The following GFRA1 variants were observed in gnomAD, a reference collection of about 807,000 sequenced individuals.
The protein encoded by GFRA1 is GDNF family receptor alpha-1.
Under a neutral mutation model 51.6 loss-of-function variants are expected in GFRA1, and 16 were observed. The observed-to-expected ratio is 0.31, with a 90% CI of 0.21 to 0.47. GFRA1 has a LOEUF of 0.47. Among genes scored for constraint, GFRA1 ranks in the 20% least tolerant of loss-of-function variants. The pLI, the probability that GFRA1 is intolerant of heterozygous loss-of-function variation, is 1.00. For missense variants in GFRA1, 530 were observed against 594.3 expected, an observed-to-expected ratio of 0.89 and a Z score of 1.13; for synonymous variants, 270 against 241.3, an observed-to-expected ratio of 1.12 and a Z score of -1.10.
At chr10:116,273,717 C>A (rs1844120001), upstream of GFRA1, among the ~76,000 whole-genome samples, 1 of 152,166 alleles carries the variant, frequency 6.6e-6, no homozygotes, top group South Asian at 2.1e-4. Context: ...CAGACACACA[C>A]ACACACATAC....
At chr10:116,222,548 G>A (rs954372018) in intron 4 of GFRA1, among the ~76,000 whole-genome samples, 5 of 152,166 alleles carry the variant, frequency 3.3e-5, no homozygotes, top group African/African-American at 1.2e-4. Context: ...CAATCTTTCT[G>A]CTCTAAGCCT....
At chr10:116,065,949 T>G (rs1955090321) in intron 9 of GFRA1, among the ~76,000 whole-genome samples, 1 of 152,206 alleles carries the variant, frequency 6.6e-6, no homozygotes, top group Non-Finnish European at 1.5e-5. Context: ...AATTCAGACT[T>G]ACCCCATTTC....
intron 6 of GFRA1, among the ~76,000 whole-genome samples, chr10:116,108,050 T>C (rs141347414): frequency 9.7e-4 from 147 of 151,918 alleles, no homozygotes; most frequent in African/African-American, 3.3e-3. Flanking sequence ...CTGAGAGCCC[T>C]GGGAGGGGGT....
In GFRA1 at chr10:116,059,503, C is replaced by A. The variant is rs919831349; in HGVS notation, c.*4895G>T. 6.6e-6 allele frequency: 1 copy of A among 152,248 alleles called. No individual in the cohort carries two copies. Among genetic ancestry groups the A allele is most frequent in the African/African-American group, 2.4e-5 (1 of 41,462 alleles). 9.4% of individuals were successfully genotyped at this position (152,248 alleles called of 1,614,324 possible). ...TTGGCACCTGCCAGAGGCAGACAGC[C>A]GAAGTCGCAGCTGCGCTGGTCAAAT... On this transcript the variant is annotated 3_prime_UTR_variant, in exon 11 of 11. Transcript: ENST00000355422.
At chr10:116,142,188 C>T (rs1657725770) in intron 5 of GFRA1, among the ~76,000 whole-genome samples, 1 of 152,192 alleles carries the variant, frequency 6.6e-6, no homozygotes. Flanking sequence ...CCCCGCCATG[C>T]AGCAGGAGGG....
intron 5 of GFRA1, among the ~76,000 whole-genome samples, chr10:116,166,780 C>CTTCTTTTTTTTTTTT (rs1267031089): frequency 1.3e-5 from 1 of 76,446 alleles, no homozygotes; most frequent in African/African-American, 5.9e-5. Flanking sequence ...CAACAATCTT[C>CTTCTTTTTTTTTTTT]TTTTTTTTTT....
chr10:116,098,596 C>T (rs936974067), intron 6 of GFRA1, among the ~76,000 whole-genome samples: 5 of 152,224 alleles, frequency 3.3e-5, no homozygotes, highest in Non-Finnish European at 7.3e-5. Flanking sequence ...GTTCTGCACA[C>T]AACCTGGCTG....
chr10:116,182,218 G>T (rs1258458898), intron 5 of GFRA1, among the ~76,000 whole-genome samples: 1 of 143,280 alleles, frequency 7.0e-6, no homozygotes, highest in East Asian at 1.9e-4. Context: ...ACAGTGCAAT[G>T]ATGATAGTGT....
intron 8 of GFRA1, 126 bp downstream of exon 8, chr10:116,093,576 G>A (rs1956443706): frequency 8.4e-5 from 69 of 823,380 alleles, no homozygotes; most frequent in South Asian, 5.9e-4. Context: ...AGAGGAAGCA[G>A]GCACAAGGTA....
chr10:116,082,084 C>T (rs1334749792), intron 9 of GFRA1, among the ~76,000 whole-genome samples: 1 of 152,204 alleles, frequency 6.6e-6, no homozygotes, highest in African/African-American at 2.4e-5. Flanking sequence ...ACCGTCTTTT[C>T]TGCAACCAAG....
At chr10:116,230,214 C>T (rs1966591378) in intron 4 of GFRA1, among the ~76,000 whole-genome samples, 1 of 152,144 alleles carries the variant, frequency 6.6e-6, no homozygotes, top group Non-Finnish European at 1.5e-5. Flanking sequence ...AAAAGGATAC[C>T]TGATACATCG....
At chr10:116,195,226 A>G (rs1963630642) in intron 5 of GFRA1, among the ~76,000 whole-genome samples, 1 of 152,152 alleles carries the variant, frequency 6.6e-6, no homozygotes, top group African/African-American at 2.4e-5. Flanking sequence ...TTTGTTTTAA[A>G]TTGCCCTGTT....
At chr10:116,120,050 T>A (rs1468199793) in intron 6 of GFRA1, among the ~76,000 whole-genome samples, 1 of 152,176 alleles carries the variant, frequency 6.6e-6, no homozygotes, top group Non-Finnish European at 1.5e-5. Context: ...AATGATAGGG[T>A]CCTTGATCCC....
At chr10:116,202,359 C>T (rs565003979) in intron 5 of GFRA1, among the ~76,000 whole-genome samples, 7 of 152,218 alleles carry the variant, frequency 4.6e-5, no homozygotes, top group African/African-American at 1.4e-4. Flanking sequence ...GAGCATTGGG[C>T]GGCACCTTCT....
intron 9 of GFRA1, among the ~76,000 whole-genome samples, chr10:116,074,042 T>C (rs1236687124): frequency 2.6e-5 from 4 of 152,218 alleles, no homozygotes; most frequent in Non-Finnish European, 1.5e-5. Context: ...AGTAGATGAA[T>C]AGTGATGATG....
intron 4 of GFRA1, among the ~76,000 whole-genome samples, chr10:116,265,925 C>G (rs1454539333): frequency 6.6e-6 from 1 of 152,186 alleles, no homozygotes; most frequent in Non-Finnish European, 1.5e-5. Context: ...GGCTTCCGCT[C>G]TCAGGTTTCT....
intron 5 of GFRA1, among the ~76,000 whole-genome samples, chr10:116,210,149 C>T (rs1287944614): frequency 2.6e-5 from 4 of 152,196 alleles, no homozygotes; most frequent in Non-Finnish European, 5.9e-5. Flanking sequence ...GCAAACTTGA[C>T]AGAGGCAGTC....
At chr10:116,195,072 C>T (rs1251111693) in intron 5 of GFRA1, among the ~76,000 whole-genome samples, 1 of 152,176 alleles carries the variant, frequency 6.6e-6, no homozygotes, top group Non-Finnish European at 1.5e-5. Context: ...TTCAGTAAAA[C>T]TTTATTTACA....
Position 116,058,840 on chromosome 10 carries a change from G to A in GFRA1, c.*5558C>T, listed in dbSNP as rs911856389. 2 of 152,218 alleles carry A rather than the reference G, an allele frequency of 1.3e-5. No homozygotes were observed. Among genetic ancestry groups the A allele is most frequent in the African/African-American group, 4.8e-5 (2 of 41,426 alleles). 9.4% of individuals were successfully genotyped at this position (152,218 alleles called of 1,614,324 possible). On this transcript the variant is annotated 3_prime_UTR_variant, in exon 11 of 11. Coordinates refer to ENST00000355422, the MANE Select transcript of GFRA1 (RefSeq NM_005264.8). ...GTTGTCACCCCTGGGGTTTGTCTGG[G>A]ATCGGGGGAGTGGTCTACCTTTCTT...
Sources: allele counts gnomAD v4.1 joint callset (sites outside exome capture counted in the v4.1 genomes callset), GRCh38; gene constraint gnomAD v4.1.1; transcripts MANE v1.5; gene names NCBI Gene and HGNC (gene_info 2026-07-23, HGNC 2026-07-21).